RANBP2: variants seen among roughly 807,000 people sequenced by gnomAD.
The protein encoded by RANBP2 is RAN binding protein 2, also known as E3 SUMO-protein ligase RanBP2.
RANBP2 carries 57 observed loss-of-function variants against 303.6 expected under a neutral mutation model. The observed-to-expected ratio is 0.19, with a 90% confidence interval of 0.15 to 0.23. RANBP2 has a LOEUF of 0.23. RANBP2 is among the 10% of genes least tolerant of loss of function. The pLI, the probability that RANBP2 is intolerant of heterozygous loss-of-function variation, is 1.00. For missense variants in RANBP2, 3,138 were observed against 3,780.8 expected (o/e 0.83, Z 4.46); for synonymous variants, 1,167 against 1,301.5 (o/e 0.90, Z 2.23).
the RANBP2 span, among the ~76,000 whole-genome samples, chr2:109,582,601 G>A: frequency 3.9e-5 from 6 of 152,258 alleles, no homozygotes; most frequent in East Asian, 3.9e-4. Context: ...GATTACAGGC[G>A]TAAGGCACCA....
chr2:109,604,290 T>C, the RANBP2 span, among the ~76,000 whole-genome samples: 1 of 137,386 alleles, frequency 7.3e-6, no homozygotes, highest in African/African-American at 2.7e-5. Flanking sequence ...GTTGCAGTGG[T>C]TGAGACTGCG....
chr2:108,928,175 G>A, the RANBP2 span, among the ~76,000 whole-genome samples: 2 of 152,086 alleles, frequency 1.3e-5, no homozygotes, highest in Admixed American at 1.3e-4. Context: ...TCTTGCTCTG[G>A]CCACAGGGAC....
At chr2:109,465,179 T>G in the RANBP2 span, among the ~76,000 whole-genome samples, 1 of 152,240 alleles carries the variant, frequency 6.6e-6, no homozygotes. Context: ...CTGAATAATA[T>G]TCCATTGTCC....
At chr2:108,808,424 G>A in the RANBP2 span, among the ~76,000 whole-genome samples, 4 of 151,924 alleles carry the variant, frequency 2.6e-5, no homozygotes, top group Non-Finnish European at 5.9e-5. Flanking sequence ...CGTTTTTTTG[G>A]GAACCTGAAT....
At chr2:109,179,514 T>C in the RANBP2 span, among the ~76,000 whole-genome samples, 1 of 152,144 alleles carries the variant, frequency 6.6e-6, no homozygotes, top group Admixed American at 6.5e-5. Flanking sequence ...GGGTAACTTA[T>C]AAAGAAAACA....
the RANBP2 span, chr2:109,614,944 C>T: frequency 1.3e-6 from 2 of 1,518,914 alleles, no homozygotes; most frequent in East Asian, 2.5e-5. Context: ...AGCGCCGGGG[C>T]TCGCAGGAAG....
At chr2:109,503,200 C>T in the RANBP2 span, 2 of 152,164 alleles carry the variant, frequency 1.3e-5, no homozygotes, top group African/African-American at 4.8e-5. Flanking sequence ...ATCCATCACC[C>T]CTCTCTCCAC....
chr2:109,600,539 A>G, the RANBP2 span, among the ~76,000 whole-genome samples: 15 of 134,592 alleles, frequency 1.1e-4, no homozygotes, highest in South Asian at 5.2e-4. Flanking sequence ...CAATGAGTTG[A>G]AAAAAAAAAA....
the RANBP2 span, among the ~76,000 whole-genome samples, chr2:109,766,410 C>G: frequency 6.6e-6 from 1 of 150,540 alleles, no homozygotes. Context: ...AACTTGGGGA[C>G]TCCAGCTGGG....
At chr2:109,559,747 A>G in the RANBP2 span, among the ~76,000 whole-genome samples, 1 of 152,136 alleles carries the variant, frequency 6.6e-6, no homozygotes, top group Non-Finnish European at 1.5e-5. Context: ...CCTACTGGAC[A>G]TTCTTTCCCT....
chr2:109,056,677 T>C, the RANBP2 span, among the ~76,000 whole-genome samples: 138,537 of 152,298 alleles, frequency 0.91, 63,311 homozygotes, highest in East Asian at 0.95. Flanking sequence ...AATTGGTTCT[T>C]AGAAGTTGAT....
chr2:109,525,075 CGTT>C, the RANBP2 span, among the ~76,000 whole-genome samples: 1 of 148,416 alleles, frequency 6.7e-6, no homozygotes, highest in Non-Finnish European at 1.5e-5. Flanking sequence ...GGCTCCTTAC[CGTT>C]GTTTTTTTTT....
chr2:109,111,595 C>CTT, the RANBP2 span, among the ~76,000 whole-genome samples: 2 of 138,146 alleles, frequency 1.4e-5, no homozygotes, highest in African/African-American at 5.2e-5. Context: ...TTTTTCTTTT[C>CTT]TTTTTTTTTT....
At chr2:109,066,231 A>G in the RANBP2 span, among the ~76,000 whole-genome samples, 4 of 151,522 alleles carry the variant, frequency 2.6e-5, no homozygotes, top group African/African-American at 9.7e-5. Context: ...GCCTCAGCCT[A>G]CTGAGTAGCT....
the RANBP2 span, among the ~76,000 whole-genome samples, chr2:109,627,639 C>T: frequency 2.0e-5 from 3 of 152,226 alleles, no homozygotes; most frequent in Non-Finnish European, 2.9e-5. Flanking sequence ...TCCCCAGAAG[C>T]CCCTCTTGTG....
In RANBP2 at chr2:108,766,815, G is replaced by A. The variant is rs568128033; in HGVS notation, c.6276G>A (p.Thr2092=). Residue 2092 remains threonine (T), a synonymous_variant, in exon 20 of 29, where the codon ACG becomes ACA. Coordinates refer to ENST00000283195, the MANE Select transcript of RANBP2 (RefSeq NM_006267.5). ...GTGCTAATCATTGGATAACGACTACGATGAACCTGAAGCCTCTCTCTGGAT... is the reference window on the plus strand; with the variant it reads ...GTGCTAATCATTGGATAACGACTACAATGAACCTGAAGCCTCTCTCTGGAT... The part of the protein sequence containing the change: ...KVCANHWITT[T]MNLKPLSGSD... The A allele has an allele frequency of 6.5e-5, 105 of 1,611,790 alleles. No homozygotes were observed. The highest frequency in any genetic ancestry group is 5.1e-4 in the African/African-American group (38 of 74,960).
chr2:109,571,311 G>A, the RANBP2 span, among the ~76,000 whole-genome samples: 70 of 152,276 alleles, frequency 4.6e-4, no homozygotes, highest in East Asian at 1.9e-4. Context: ...ATAGAAATGC[G>A]ATAGAAATAT....
the RANBP2 span, among the ~76,000 whole-genome samples, chr2:108,963,044 G>T: frequency 1.3e-5 from 2 of 152,136 alleles, no homozygotes; most frequent in Non-Finnish European, 2.9e-5. Context: ...AAATCTGGTG[G>T]CTCTGCGTCA....
At chr2:108,968,792 A>T in the RANBP2 span, among the ~76,000 whole-genome samples, 8,811 of 152,236 alleles carry the variant, frequency 0.058, 608 homozygotes, top group African/African-American at 0.17. Flanking sequence ...CTTTCCAGGG[A>T]CTCAGGCCTG....
Sources: allele counts gnomAD v4.1 joint callset (sites outside exome capture counted in the v4.1 genomes callset), GRCh38; gene constraint gnomAD v4.1.1; transcripts MANE v1.5; gene names NCBI Gene and HGNC (gene_info 2026-07-23, HGNC 2026-07-21).